The following FAM53A variants were observed in gnomAD, a reference collection of about 807,000 sequenced individuals.
The protein encoded by FAM53A is protein FAM53A.
In FAM53A, 28 loss-of-function variants were observed where a neutral mutation model predicts 26.6. The ratio of observed to expected loss-of-function variants is 1.05; its 90% CI spans 0.78 to 1.45. The LOEUF (loss-of-function observed/expected upper bound fraction) is 1.45, where lower values mean the gene tolerates loss of function less well. Ranked by LOEUF, FAM53A falls within the 40% of genes most tolerant of loss-of-function variation. The probability of loss-of-function intolerance (pLI) is 0.00; values close to 1 mark genes in which losing one functional copy is unlikely to be tolerated. For synonymous variants in FAM53A, 290 were observed against 253.1 expected (o/e 1.15, Z -1.38); for missense variants, 650 against 575.8 (o/e 1.13, Z -1.32).
chr4:1,623,118 C>A (rs561470012), intron 1 of FAM53A, among the ~76,000 whole-genome samples: 1 of 152,222 alleles, frequency 6.6e-6, no homozygotes, highest in African/African-American at 2.4e-5. Context: ...CGGTCCCCCA[C>A]GCTGAGCAGC....
rs558534482 is a variant in FAM53A, at chr4:1,653,830, C to T, written c.882+1148G>A. ...CCCTGGGGGATCCCACCTGGCACGC[C>T]GGCCACACTGCTCTCCAGCTCTGGG... On this transcript the variant is annotated intron_variant, in intron 4 of 4. Transcript: ENST00000308132. Among the ~76,000 whole-genome samples the T allele has an allele frequency of 7.9e-5, 12 of 152,344 alleles. No homozygotes were observed. The South Asian group carries it at 8.3e-4, about 11-fold the overall frequency.
the FAM53A span, among the ~76,000 whole-genome samples, chr4:1,587,254 A>G: frequency 1.2e-4 from 19 of 152,096 alleles, no homozygotes; most frequent in Non-Finnish European, 2.8e-4. Flanking sequence ...CATACTTCCA[A>G]TTATCTATTT....
downstream of FAM53A, among the ~76,000 whole-genome samples, chr4:1,634,970 CT>C (rs1378605718): frequency 6.6e-6 from 1 of 151,988 alleles, no homozygotes; most frequent in African/African-American, 2.4e-5. Flanking sequence ...TTTTAAACTA[CT>C]GTTTCATTCT....
downstream of FAM53A, among the ~76,000 whole-genome samples, chr4:1,615,645 G>A (rs771636230): frequency 5.9e-5 from 9 of 151,734 alleles, no homozygotes; most frequent in Non-Finnish European, 8.8e-5. Flanking sequence ...TGGAAGACAG[G>A]ATGCAGCCAC....
the FAM53A span, among the ~76,000 whole-genome samples, chr4:1,587,454 T>C: frequency 4.6e-5 from 7 of 152,272 alleles, no homozygotes; most frequent in Admixed American, 3.3e-4. Flanking sequence ...GGCAGATCAT[T>C]TGAGGCCAGG....
At chr4:1,643,673 T>C (rs998795236) in intron 4 of FAM53A, among the ~76,000 whole-genome samples, 6 of 151,082 alleles carry the variant, frequency 4.0e-5, no homozygotes, top group African/African-American at 1.5e-4. Context: ...CTCAAGCAAT[T>C]CTCCCACCTC....
chr4:1,610,476 G>A, the FAM53A span, among the ~76,000 whole-genome samples: 3 of 152,308 alleles, frequency 2.0e-5, no homozygotes, highest in South Asian at 4.2e-4. Flanking sequence ...GATGGTGACC[G>A]GGGATCCCAG....
rs1462893393 is a variant in FAM53A, at chr4:1,659,996, A to G, written c.76-2528T>C. On this transcript the variant is annotated intron_variant, in intron 2 of 4. Coordinates refer to ENST00000308132, the MANE Select transcript of FAM53A (RefSeq NM_001174070.3). This position sits in a 1 kb window ranked among gnomAD's most constrained non-coding sequence, Gnocchi z 5.2. ...ATGTGAACATGCAACCCTTAAGCCT[A>G]AGGAAATCTGGACTTCAGGGCTGGG... Among the ~76,000 whole-genome samples, 1 of 152,174 alleles carries G rather than the reference A, an allele frequency of 6.6e-6. No individual in the cohort carries two copies. The highest frequency in any genetic ancestry group is 2.4e-5 in the African/African-American group (1 of 41,432).
intron 3 of FAM53A, among the ~76,000 whole-genome samples, chr4:1,656,383 A>G (rs1325099768): frequency 6.6e-6 from 1 of 152,154 alleles, no homozygotes; most frequent in Admixed American, 6.5e-5. Flanking sequence ...CCTGGCATGG[A>G]GTCTGCCCAG....
chr4:1,668,198 G>A (rs2108997678), intron 2 of FAM53A, among the ~76,000 whole-genome samples: 1 of 151,440 alleles, frequency 6.6e-6, no homozygotes, highest in East Asian at 2.0e-4. Flanking sequence ...GGAGTGCAGT[G>A]GAGCGATCTC....
At chr4:1,635,557 C>T (rs1440872748), downstream of FAM53A, among the ~76,000 whole-genome samples, 2 of 152,134 alleles carry the variant, frequency 1.3e-5, no homozygotes, top group Non-Finnish European at 2.9e-5. Context: ...ACTGCAGGCG[C>T]CAGCCACTGT....
At chr4:1,632,918 G>C (rs1445072308) in intron 1 of FAM53A, among the ~76,000 whole-genome samples, 1 of 152,224 alleles carries the variant, frequency 6.6e-6, no homozygotes, top group Non-Finnish European at 1.5e-5. Flanking sequence ...CACACATGTA[G>C]TTATGCCTGT....
At chr4:1,632,346 C>T (rs559896490) in intron 1 of FAM53A, among the ~76,000 whole-genome samples, 2 of 152,140 alleles carry the variant, frequency 1.3e-5, no homozygotes, top group African/African-American at 4.8e-5. Context: ...GAGATAGTGG[C>T]CGCCTTTGAA....
At chr4:1,672,180 ACGG>A (rs1397115283) in intron 1 of FAM53A, among the ~76,000 whole-genome samples, 2 of 10,302 alleles carry the variant, frequency 1.9e-4, no homozygotes, top group Non-Finnish European at 2.4e-3. Flanking sequence ...CCAAGAACCC[ACGG>A]ACCCACGGAC....
At chr4:1,652,167 CCACACGCCA>C (rs1399481950) in intron 4 of FAM53A, among the ~76,000 whole-genome samples, 4 of 123,780 alleles carry the variant, frequency 3.2e-5, no homozygotes, top group Non-Finnish European at 6.9e-5. Flanking sequence ...CACACACACC[CCACACGCCA>C]CACACACCAT....
At chr4:1,673,949 G>A (rs78196921) in intron 1 of FAM53A, among the ~76,000 whole-genome samples, 2,284 of 152,352 alleles carry the variant, frequency 0.015, 60 homozygotes, top group African/African-American at 0.051. Context: ...AGAGACCCTC[G>A]TGTGGAACAT....
At chr4:1,677,985 C>T (rs184370998) in intron 1 of FAM53A, among the ~76,000 whole-genome samples, 51 of 152,114 alleles carry the variant, frequency 3.4e-4, no homozygotes, top group African/African-American at 1.2e-3. Context: ...AGGCAAACAA[C>T]CCAGAATAGC....
Position 1,658,494 on chromosome 4 carries a change from CT to C in FAM53A, c.76-1027del, listed in dbSNP as rs537070701. Among the ~76,000 whole-genome samples the C allele has an allele frequency of 6.2e-3, 942 of 152,372 alleles. 12 individuals are homozygous for C. Among genetic ancestry groups the C allele is most frequent in the African/African-American group, 0.021 (889 of 41,582 alleles). ...AGGGGCCCTTTCCCACCTGCAACAG[CT>C]CAGACACGGGACCTGAGCGCCTAAG... On this transcript the variant is annotated intron_variant, in intron 2 of 4. Coordinates refer to ENST00000308132, the MANE Select transcript of FAM53A (RefSeq NM_001174070.3).
chr4:1,640,970 G>A lies in FAM53A; in HGVS notation c.*323C>T, dbSNP rs1366633805. 5.3e-5 allele frequency: 21 copies of A among 397,442 alleles called. No individual in the cohort carries two copies. The highest frequency in any genetic ancestry group is 7.1e-5 in the East Asian group (1 of 14,050). The allele number at this position is 397,442 out of a possible 1,614,324, so 24.6% of individuals were successfully genotyped here. On this transcript the variant is annotated 3_prime_UTR_variant, in exon 5 of 5. Coordinates refer to ENST00000308132, the MANE Select transcript of FAM53A (RefSeq NM_001174070.3). ...CAGTGCAGGCGGCAGCCGTGGCCCC[G>A]ACCAGCTCACAGGAAACCTACTCTG...
Sources: gnomAD v4.1 joint callset for allele counts (sites outside exome capture counted in the v4.1 genomes callset) on GRCh38, gnomAD v4.1.1 for gene constraint, Gnocchi (gnomAD v3.1) non-coding constraint, MANE v1.5 for transcripts, NCBI Gene and HGNC (gene_info 2026-07-23, HGNC 2026-07-21) for gene names.